The following SIDT1 variants were observed in gnomAD, a reference collection of about 807,000 sequenced individuals.
The protein encoded by SIDT1 is SID1 transmembrane family, member 1.
Under a neutral mutation model 107.5 loss-of-function variants are expected in SIDT1, and 101 were observed. The ratio of observed to expected loss-of-function variants is 0.94; its 90% CI spans 0.80 to 1.11. The LOEUF (loss-of-function observed/expected upper bound fraction) is 1.11, where lower values mean the gene tolerates loss of function less well. Ranked by LOEUF, SIDT1 falls within the 50% of genes least tolerant of loss-of-function variation. SIDT1 has a pLI of 0.00. For synonymous variants in SIDT1, 395 were observed against 398.2 expected (o/e 0.99, Z 0.10); for missense variants, 1,076 against 1,058.2 (o/e 1.02, Z -0.23).
chr3:113,599,320 G>A (rs1252104355), intron 10 of SIDT1, among the ~76,000 whole-genome samples: 1 of 152,210 alleles, frequency 6.6e-6, no homozygotes, highest in Admixed American at 6.5e-5. Flanking sequence ...TCATTGGCAG[G>A]CAGCAGCTGC....
chr3:113,546,840 A>C (rs556218462), intron 1 of SIDT1, among the ~76,000 whole-genome samples: 1 of 152,154 alleles, frequency 6.6e-6, no homozygotes, highest in African/African-American at 2.4e-5. Context: ...ACATGTTGCC[A>C]TGCAGTACCC....
intron 20 of SIDT1, among the ~76,000 whole-genome samples, chr3:113,618,385 A>G (rs372191429): frequency 6.6e-6 from 1 of 152,120 alleles, no homozygotes; most frequent in East Asian, 1.9e-4. Flanking sequence ...CTGCTATAAC[A>G]CTCATGTGTA....
chr3:113,561,218 G>A (rs764270825), intron 1 of SIDT1, among the ~76,000 whole-genome samples: 16 of 152,178 alleles, frequency 1.1e-4, no homozygotes, highest in Non-Finnish European at 2.2e-4. Context: ...CCTCAGGAAA[G>A]GCAAAGCAAA....
chr3:113,546,310 T>C (rs1033895698), intron 1 of SIDT1, among the ~76,000 whole-genome samples: 6 of 152,206 alleles, frequency 3.9e-5, no homozygotes, highest in African/African-American at 7.2e-5. Context: ...AAAAAGAACA[T>C]TTCTAACTCT....
intron 1 of SIDT1, among the ~76,000 whole-genome samples, chr3:113,541,959 T>C (rs180717514): frequency 2.2e-3 from 339 of 151,128 alleles, no homozygotes; most frequent in Non-Finnish European, 4.3e-3. Context: ...AGTCTTGTTC[T>C]GTCACCCAGG....
chr3:113,538,922 C>CT (rs1301544306), intron 1 of SIDT1, among the ~76,000 whole-genome samples: 4 of 151,956 alleles, frequency 2.6e-5, no homozygotes, highest in African/African-American at 9.7e-5. Flanking sequence ...CTGATTGTGT[C>CT]TTTTTTTTAT....
rs1946622450 is a variant in SIDT1 at position 113,623,523 on chromosome 3, C to T, written c.2187C>T (p.Ile729=). 2 of 1,613,088 alleles carry T rather than the reference C, an allele frequency of 1.2e-6. No individual in the cohort carries two copies. Among genetic ancestry groups the T allele is most frequent in the African/African-American group, 1.3e-5 (1 of 74,902 alleles). Reference sequence around the variant, plus strand: ...TTTTGCTGTACCTGGCCTTTTACATCATCATGAAGGTAAGAGCGGGTGCCG... The same window carrying T: ...TTTTGCTGTACCTGGCCTTTTACATTATCATGAAGGTAAGAGCGGGTGCCG... ...CNLLLYLAFY[I]IMKLRSSEKV... is the part of the protein sequence containing the mutation. The change falls in exon 22 of 25, where the codon ATC becomes ATT. Residue 729 remains isoleucine (I), a synonymous_variant. Transcript: ENST00000264852.
intron 1 of SIDT1, among the ~76,000 whole-genome samples, chr3:113,551,412 T>C (rs1354644264): frequency 6.6e-6 from 1 of 152,216 alleles, no homozygotes; most frequent in Non-Finnish European, 1.5e-5. Context: ...CCCAAAATCA[T>C]GTACTAGTTT....
chr3:113,613,529 T>C (rs1945899000), intron 19 of SIDT1, among the ~76,000 whole-genome samples: 1 of 152,250 alleles, frequency 6.6e-6, no homozygotes, highest in Non-Finnish European at 1.5e-5. Context: ...TCTTTTGCCA[T>C]GGTCAGTAGA....
intron 1 of SIDT1, among the ~76,000 whole-genome samples, chr3:113,545,333 G>T (rs1271596646): frequency 6.6e-6 from 1 of 152,036 alleles, no homozygotes; most frequent in African/African-American, 2.4e-5. Context: ...GTAAGAAAGA[G>T]ATTTTTCTTC....
At chr3:113,574,053 A>T (rs1266143032) in intron 3 of SIDT1, among the ~76,000 whole-genome samples, 2 of 152,212 alleles carry the variant, frequency 1.3e-5, no homozygotes, top group Non-Finnish European at 2.9e-5. Context: ...ACATTAAAGG[A>T]TGGCGATCCA....
intron 12 of SIDT1, among the ~76,000 whole-genome samples, chr3:113,603,440 A>G (rs183898120): frequency 1.3e-5 from 2 of 152,348 alleles, no homozygotes; most frequent in East Asian, 3.8e-4. Context: ...CAACCAGATT[A>G]AAGAAAAGAT....
chr3:113,581,506 C>T, intron 6 of SIDT1, 62 bp downstream of exon 6: 1 of 1,324,742 alleles, frequency 7.5e-7, no homozygotes, highest in Non-Finnish European at 1.1e-6. Context: ...AGTGTACTTA[C>T]TGGGCCAGCA....
At chr3:113,623,762 C>A (rs764229266) in intron 23 of SIDT1, 29 bp downstream of exon 23, 4 of 1,475,526 alleles carry the variant, frequency 2.7e-6, no homozygotes, top group Non-Finnish European at 3.8e-6. Context: ...TATCCAAAAA[C>A]AACCTCTCTC....
At chr3:113,605,296 G>A (rs144792549) in intron 14 of SIDT1, among the ~76,000 whole-genome samples, 1,837 of 151,572 alleles carry the variant, frequency 0.012, 39 homozygotes, top group African/African-American at 0.043. Flanking sequence ...CTAATTTTTT[G>A]TGTATTTTTA....
intron 1 of SIDT1, among the ~76,000 whole-genome samples, chr3:113,539,487 G>A (rs6766534): frequency 0.17 from 26,341 of 152,084 alleles, 3,338 homozygotes; most frequent in African/African-American, 0.36. Context: ...TGGGAACTAG[G>A]GGTCCTTATT....
At position 113,533,259 on chromosome 3, in the gene SIDT1, C is replaced by G; in HGVS notation, c.222+16C>G. 2 of 1,433,222 alleles carry G rather than the reference C, an allele frequency of 1.4e-6. No individual in the cohort carries two copies. Among genetic ancestry groups the G allele is most frequent in the Non-Finnish European group, 1.8e-6 (2 of 1,085,418 alleles). The allele number at this position is 1,433,222 out of a possible 1,614,324, so 88.8% of individuals were successfully genotyped here. The stretch of plus-strand genomic sequence containing the variant: ...GCCCGACCAGGTAAGACACTCGCTC[C>G]CCTCGCTCGACTCCTAGAACTTGCC... On this transcript the variant is annotated intron_variant, in intron 1 of 24. Coordinates refer to ENST00000264852, the MANE Select transcript of SIDT1 (RefSeq NM_017699.3).
chr3:113,580,733 C>T (rs766105385), intron 5 of SIDT1, 24 bp downstream of exon 5: 6 of 1,378,072 alleles, frequency 4.4e-6, no homozygotes, highest in Middle Eastern at 1.8e-4. Flanking sequence ...ACTTGCCAAC[C>T]TTCTACTATA....
Position 113,586,285 on chromosome 3 carries a change from G to A in SIDT1, c.1001+1015G>A, listed in dbSNP as rs141388691. 1.6e-3 allele frequency among the ~76,000 whole-genome samples: 241 copies of A among 152,234 alleles called. 1 individual carries two copies. The highest frequency in any genetic ancestry group is 5.5e-3 in the African/African-American group (230 of 41,546). ...TTATAAACCATTGGAAAAAATAGAAGTGTATGAGTCCCTGTTGATAAAGGA... is the reference window on the plus strand; with the variant it reads ...TTATAAACCATTGGAAAAAATAGAAATGTATGAGTCCCTGTTGATAAAGGA... On this transcript the variant is annotated intron_variant, in intron 9 of 24. Coordinates refer to ENST00000264852, the MANE Select transcript of SIDT1 (RefSeq NM_017699.3).
Sources: allele counts gnomAD v4.1 joint callset (sites outside exome capture counted in the v4.1 genomes callset), GRCh38; gene constraint gnomAD v4.1.1; transcripts MANE v1.5; gene names NCBI Gene and HGNC (gene_info 2026-07-23, HGNC 2026-07-21).